SIL1: variants seen among roughly 807,000 people sequenced by gnomAD.
SIL1 encodes nucleotide exchange factor SIL1.
Under a neutral mutation model 49.1 loss-of-function variants are expected in SIL1, and 40 were observed. That is an observed-to-expected ratio of 0.81 (90% confidence interval 0.63 to 1.06). The LOEUF (loss-of-function observed/expected upper bound fraction) is 1.06. SIL1 is among the 50% of genes least tolerant of loss of function. The pLI is 0.00. For missense variants in SIL1, 500 were observed against 572.6 expected (o/e 0.87, Z 1.29); for synonymous variants, 253 against 250.8 (o/e 1.01, Z -0.08).
At chr5:139,073,470 G>A (rs1282885847) in intron 3 of SIL1, among the ~76,000 whole-genome samples, 1 of 152,116 alleles carries the variant, frequency 6.6e-6, no homozygotes, top group Non-Finnish European at 1.5e-5. Context: ...CCTTACATGT[G>A]GAATCTAAAA....
intron 3 of SIL1, among the ~76,000 whole-genome samples, chr5:139,090,329 G>A (rs1468713828): frequency 6.6e-6 from 1 of 152,134 alleles, no homozygotes; most frequent in Non-Finnish European, 1.5e-5. Flanking sequence ...GTTAAGAGTT[G>A]AAACTTCTCA....
intron 6 of SIL1, among the ~76,000 whole-genome samples, chr5:139,024,706 C>T (rs950562832): frequency 3.9e-5 from 6 of 152,186 alleles, no homozygotes; most frequent in African/African-American, 1.2e-4. Context: ...TTCTACCAAG[C>T]CCCCCACCTG....
intron 5 of SIL1, among the ~76,000 whole-genome samples, chr5:139,041,061 G>C (rs1769037502): frequency 6.6e-6 from 1 of 152,110 alleles, no homozygotes; most frequent in Admixed American, 6.6e-5. Flanking sequence ...CAGTGGGTGG[G>C]AAGGAGCCAA....
chr5:139,004,139 G>A (rs1433364924), intron 7 of SIL1, among the ~76,000 whole-genome samples: 1 of 152,152 alleles, frequency 6.6e-6, no homozygotes, highest in Non-Finnish European at 1.5e-5. Context: ...CAGCTAATCT[G>A]TCTTCATTAT....
chr5:139,071,155 G>A (rs777998395), intron 3 of SIL1, among the ~76,000 whole-genome samples: 29 of 133,346 alleles, frequency 2.2e-4, no homozygotes, highest in Middle Eastern at 3.9e-3. Context: ...ATTTAGCCTG[G>A]GAAATGGCCT....
At chr5:139,106,171 T>G (rs186330820) in intron 3 of SIL1, among the ~76,000 whole-genome samples, 30 of 152,352 alleles carry the variant, frequency 2.0e-4, no homozygotes, top group African/African-American at 7.2e-4. Context: ...CAGCAGATTC[T>G]CTCTGCTCTC....
At chr5:139,075,775 C>T (rs1003179629) in intron 3 of SIL1, among the ~76,000 whole-genome samples, 1 of 152,200 alleles carries the variant, frequency 6.6e-6, no homozygotes, top group African/African-American at 2.4e-5. Flanking sequence ...AAATATTTCA[C>T]AATCTCCTTT....
chr5:139,093,494 G>C (rs1285070997), intron 3 of SIL1, among the ~76,000 whole-genome samples: 1 of 152,152 alleles, frequency 6.6e-6, no homozygotes, highest in African/African-American at 2.4e-5. Context: ...GTAATAACCT[G>C]ACACAATCTC....
chr5:139,152,645 A>G (rs923556522), intron 1 of SIL1, among the ~76,000 whole-genome samples: 6 of 151,762 alleles, frequency 4.0e-5, no homozygotes, highest in African/African-American at 4.8e-5. Flanking sequence ...GAAAAGAAAA[A>G]AAAAAAGAAT....
intron 5 of SIL1, among the ~76,000 whole-genome samples, chr5:139,029,684 G>A (rs1768742950): frequency 1.3e-5 from 2 of 151,316 alleles, no homozygotes; most frequent in African/African-American, 2.4e-5. Context: ...GTTTTTTGTA[G>A]ACATGGGGTT....
chr5:139,026,568 A>G (rs1768654567), intron 6 of SIL1, among the ~76,000 whole-genome samples: 3 of 152,158 alleles, frequency 2.0e-5, no homozygotes, highest in South Asian at 2.1e-4. Context: ...GCGCCACTGC[A>G]CTCCAGGCTG....
chr5:139,072,363 A>G (rs1048879940), intron 3 of SIL1, among the ~76,000 whole-genome samples: 1 of 152,258 alleles, frequency 6.6e-6, no homozygotes, highest in Non-Finnish European at 1.5e-5. Flanking sequence ...AATCAAAAGT[A>G]TATTGCGAAT....
chr5:139,189,050 T>C (rs1014809811), intron 1 of SIL1, among the ~76,000 whole-genome samples: 1 of 152,210 alleles, frequency 6.6e-6, no homozygotes, highest in African/African-American at 2.4e-5. Flanking sequence ...AATGAGGTGA[T>C]GGTTAAGATA....
intron 7 of SIL1, among the ~76,000 whole-genome samples, chr5:138,981,072 G>A (rs1381275072): frequency 6.6e-6 from 1 of 152,066 alleles, no homozygotes; most frequent in Non-Finnish European, 1.5e-5. Flanking sequence ...GGCTCTGGTG[G>A]CGCATACTTG....
chr5:139,016,378 G>A (rs1316334939), intron 7 of SIL1, among the ~76,000 whole-genome samples: 4 of 152,136 alleles, frequency 2.6e-5, no homozygotes, highest in Admixed American at 6.5e-5. Context: ...TGGTAGAAAC[G>A]TAGAAGACCA....
chr5:139,089,717 G>T (rs1770300750), intron 3 of SIL1, among the ~76,000 whole-genome samples: 1 of 152,164 alleles, frequency 6.6e-6, no homozygotes, highest in South Asian at 2.1e-4. Flanking sequence ...ACTCATGTAT[G>T]TATGACTCCA....
Position 139,127,840 on chromosome 5 carries a change from C to G in SIL1, c.4G>C (p.Ala2Pro). M[A>P]PQSLPSSRMA... is the part of the protein sequence containing the mutation. ...CTAGATGAAGGCAGGCTCTGGGGAG[C>G]CATAGTCAGGGACCTGCAGGTGCAA... Residue 2 changes from alanine (A) to proline (P), a missense_variant, in exon 2 of 10, where the codon GCT (alanine) becomes CCT (proline). By Grantham distance (27) the Ala-to-Pro change is conservative. Transcript: ENST00000394817. The G allele has an allele frequency of 6.2e-7, 1 of 1,600,242 alleles. No homozygotes were observed.
At chr5:139,153,164 G>A (rs895883560) in intron 1 of SIL1, among the ~76,000 whole-genome samples, 9 of 152,036 alleles carry the variant, frequency 5.9e-5, no homozygotes, top group Admixed American at 1.3e-4. Flanking sequence ...AAGACATCTC[G>A]TCTCCCACCT....
chr5:138,959,837 A>G (rs766396902), intron 7 of SIL1, among the ~76,000 whole-genome samples: 13 of 152,180 alleles, frequency 8.5e-5, no homozygotes, highest in African/African-American at 2.9e-4. Context: ...TAATGCCTCA[A>G]TCTCTAGATT....
Sources: gnomAD v4.1 joint callset for allele counts (sites outside exome capture counted in the v4.1 genomes callset) on GRCh38, gnomAD v4.1.1 for gene constraint, MANE v1.5 for transcripts, NCBI Gene and HGNC (gene_info 2026-07-23, HGNC 2026-07-21) for gene names.